COL21A1: variants seen among roughly 807,000 people sequenced by gnomAD.
COL21A1 encodes the protein collagen type XXI alpha 1 chain.
Under a neutral mutation model 137.9 loss-of-function variants are expected in COL21A1, and 149 were observed. The ratio of observed to expected loss-of-function variants is 1.08; its 90% CI spans 0.95 to 1.24. The LOEUF (loss-of-function observed/expected upper bound fraction) is 1.24, where lower values mean the gene tolerates loss of function less well. Among genes scored for constraint, COL21A1 ranks in the 50% most tolerant of loss-of-function variants. The probability of loss-of-function intolerance (pLI) is 0.00; values close to 1 mark genes in which losing one functional copy is unlikely to be tolerated. For missense variants in COL21A1, 1,167 were observed against 1,158.4 expected (o/e 1.01, Z -0.11); for synonymous variants, 456 against 391.5 (o/e 1.16, Z -1.95).
chr6:56,133,017 T>C (rs1180155200), intron 12 of COL21A1, among the ~76,000 whole-genome samples: 1 of 152,172 alleles, frequency 6.6e-6, no homozygotes, highest in African/African-American at 2.4e-5. Context: ...AGTGTGAAAA[T>C]GAACTAATCC....
chr6:56,289,724 A>G lies in COL21A1; in HGVS notation c.-39+104247T>C, dbSNP rs144965041. ...GAGAGTCATTGATTACCTGATAGGAACATCTTAGCCCCTGGCCCCTTTCTT... is the reference window on the plus strand; with the variant it reads ...GAGAGTCATTGATTACCTGATAGGAGCATCTTAGCCCCTGGCCCCTTTCTT... On this transcript the variant is annotated intron_variant, in intron 1 of 28. Transcript: ENST00000370819. Among the ~76,000 whole-genome samples the G allele has an allele frequency of 1.1e-3, 171 of 152,318 alleles. 3 individuals carry two copies. In the East Asian group the frequency reaches 0.03, roughly 26 times the overall value.
At chr6:56,361,726 T>C (rs1423665756) in intron 1 of COL21A1, among the ~76,000 whole-genome samples, 1 of 152,112 alleles carries the variant, frequency 6.6e-6, no homozygotes, top group Non-Finnish European at 1.5e-5. Flanking sequence ...AGCAGTTATC[T>C]CTGTGGGGTT....
intron 22 of COL21A1, among the ~76,000 whole-genome samples, chr6:56,067,895 G>T (rs1766401335): frequency 6.6e-6 from 1 of 151,570 alleles, no homozygotes; most frequent in Non-Finnish European, 1.5e-5. Flanking sequence ...TATAGATAAT[G>T]AAACAGCCAG....
intron 18 of COL21A1, among the ~76,000 whole-genome samples, chr6:56,076,766 T>A (rs12196944): frequency 0.15 from 22,982 of 151,198 alleles, 1,771 homozygotes; most frequent in Middle Eastern, 0.22. Context: ...AGAAATAAAA[T>A]AAAATGTCTA....
chr6:56,342,196 T>C (rs2152345381), intron 1 of COL21A1, among the ~76,000 whole-genome samples: 1 of 152,306 alleles, frequency 6.6e-6, no homozygotes, highest in East Asian at 1.9e-4. Context: ...GTTTCTGCTG[T>C]ACCTCGGGGA....
intron 12 of COL21A1, among the ~76,000 whole-genome samples, chr6:56,136,571 G>A (rs1347034410): frequency 6.6e-6 from 1 of 152,076 alleles, no homozygotes; most frequent in Admixed American, 6.6e-5. Flanking sequence ...TAACTTTGAT[G>A]AGCCTGTCCA....
chr6:56,345,201 G>A (rs1222017845), intron 1 of COL21A1, among the ~76,000 whole-genome samples: 1 of 152,116 alleles, frequency 6.6e-6, no homozygotes, highest in Non-Finnish European at 1.5e-5. Flanking sequence ...TTACTTCTGG[G>A]TGGGAACAAT....
chr6:56,203,879 T>TC (rs1779572952), intron 1 of COL21A1, among the ~76,000 whole-genome samples: 1 of 151,984 alleles, frequency 6.6e-6, no homozygotes, highest in Admixed American at 6.6e-5. Flanking sequence ...GGGATCTCCC[T>TC]CCCCCAGCCA....
At chr6:56,265,967 G>A (rs910617676) in intron 1 of COL21A1, among the ~76,000 whole-genome samples, 6 of 152,124 alleles carry the variant, frequency 3.9e-5, no homozygotes, top group African/African-American at 1.4e-4. Flanking sequence ...TAAATATTAA[G>A]TTTAACTTAA....
intron 1 of COL21A1, among the ~76,000 whole-genome samples, chr6:56,223,745 C>A (rs950756508): frequency 3.3e-5 from 5 of 152,122 alleles, no homozygotes; most frequent in African/African-American, 9.7e-5. Context: ...TGTGTAACAT[C>A]ATTAGCTATT....
chr6:56,292,300 C>T (rs1646232352), intron 1 of COL21A1, among the ~76,000 whole-genome samples: 2 of 151,938 alleles, frequency 1.3e-5, no homozygotes, highest in South Asian at 4.2e-4. Context: ...TTACAAACAT[C>T]TTTTTCTTGG....
intron 1 of COL21A1, among the ~76,000 whole-genome samples, chr6:56,229,135 C>A (rs1562005997): frequency 1.3e-5 from 2 of 151,800 alleles, no homozygotes; most frequent in Non-Finnish European, 2.9e-5. Flanking sequence ...AATCTCAGCA[C>A]TTTAGAAGGC....
In COL21A1 at chr6:56,059,178, A is replaced by T; in HGVS notation, c.2673T>A (p.Pro891=). Residue 891 remains proline (P), a synonymous_variant, in exon 29 of 30, where the codon CCT becomes CCA. Transcript: ENST00000244728. ...QGFGYPGEQG[P]PGPPGPEGPP... is the part of the protein sequence containing the mutation. ...AGCAATTCTCACCTGGGGGACCAGG[A>T]GGACCTTGTTCTCCAGGATACCCAA... The T allele has an allele frequency of 6.2e-7, 1 of 1,612,322 alleles. No homozygotes were observed. Among genetic ancestry groups the T allele is most frequent in the Non-Finnish European group, 8.5e-7 (1 of 1,179,236 alleles).
chr6:56,308,676 G>C (rs1764528129), intron 1 of COL21A1, among the ~76,000 whole-genome samples: 1 of 152,110 alleles, frequency 6.6e-6, no homozygotes, highest in Non-Finnish European at 1.5e-5. Flanking sequence ...CTATAGTTAA[G>C]AATAATATAT....
At position 56,069,903 on chromosome 6, in the gene COL21A1, A is replaced by C. The variant is rs142915304; in HGVS notation, c.2020-786T>G. Among the ~76,000 whole-genome samples, 1,239 of 151,534 alleles carry C rather than the reference A, an allele frequency of 8.2e-3. 19 individuals are homozygous for C. The highest frequency in any genetic ancestry group is 0.029 in the African/African-American group (1,195 of 41,478). On this transcript the variant is annotated intron_variant, in intron 21 of 29. Transcript: ENST00000244728. ...TATATGTATTTATTTACATATGTGGAATATTATTTTGTTAGAAATAAATTC... is the reference window on the plus strand; with the variant it reads ...TATATGTATTTATTTACATATGTGGCATATTATTTTGTTAGAAATAAATTC...
At chr6:56,358,322 T>C (rs745858277) in intron 1 of COL21A1, among the ~76,000 whole-genome samples, 6 of 151,988 alleles carry the variant, frequency 3.9e-5, no homozygotes, top group East Asian at 1.9e-4. Context: ...TTGAAGATAA[T>C]CTGAAATTTT....
intron 1 of COL21A1, among the ~76,000 whole-genome samples, chr6:56,225,420 A>C (rs1289387302): frequency 6.6e-6 from 1 of 152,038 alleles, no homozygotes; most frequent in Non-Finnish European, 1.5e-5. Context: ...TCAGTAAGGA[A>C]ACTTGAAAGC....
chr6:56,349,374 A>G (rs976427752), intron 1 of COL21A1, among the ~76,000 whole-genome samples: 1 of 152,048 alleles, frequency 6.6e-6, no homozygotes, highest in Admixed American at 6.6e-5. Flanking sequence ...AACCACATAG[A>G]CTGAGATGTT....
intron 1 of COL21A1, among the ~76,000 whole-genome samples, chr6:56,337,238 G>A (rs1294098273): frequency 6.6e-6 from 1 of 152,044 alleles, no homozygotes; most frequent in Non-Finnish European, 1.5e-5. Context: ...GTATCTGAAG[G>A]GCTCCACCAC....
Sources: gnomAD v4.1 joint callset for allele counts (sites outside exome capture counted in the v4.1 genomes callset) on GRCh38, gnomAD v4.1.1 for gene constraint, MANE v1.5 for transcripts, NCBI Gene and HGNC (gene_info 2026-07-23, HGNC 2026-07-21) for gene names.